The following POLN variants were observed in gnomAD, a reference collection of about 807,000 sequenced individuals.
POLN encodes the protein DNA polymerase nu, also known as DNA polymerase N.
In POLN, 108 loss-of-function variants were observed where a neutral mutation model predicts 113.5. The observed-to-expected ratio is 0.95, with a 90% CI of 0.81 to 1.12. The LOEUF is 1.12. POLN is among the 50% of genes most tolerant of loss of function. POLN has a pLI of 0.00. For synonymous variants in POLN, 386 were observed against 391.5 expected (o/e 0.99, Z 0.17); for missense variants, 1,097 against 1,077.1 (o/e 1.02, Z -0.26).
intron 13 of POLN, among the ~76,000 whole-genome samples, chr4:2,166,634 G>A (rs900639258): frequency 2.0e-5 from 3 of 152,138 alleles, no homozygotes; most frequent in African/African-American, 4.8e-5. Context: ...GGCCCAGTTA[G>A]AATGAAAAAC....
At chr4:2,161,553 C>G (rs551335584) in intron 13 of POLN, among the ~76,000 whole-genome samples, 17 of 152,372 alleles carry the variant, frequency 1.1e-4, no homozygotes, top group South Asian at 4.1e-4. Context: ...CCTCCCACCC[C>G]CTCCGTGGGC....
chr4:2,168,771 A>G (rs1732790065), intron 13 of POLN, among the ~76,000 whole-genome samples: 1 of 152,238 alleles, frequency 6.6e-6, no homozygotes, highest in African/African-American at 2.4e-5. Flanking sequence ...ACAGCAAGAC[A>G]GATGCTGCTT....
intron 14 of POLN, among the ~76,000 whole-genome samples, chr4:2,158,800 T>G (rs1207038334): frequency 2.6e-5 from 4 of 152,196 alleles, no homozygotes; most frequent in African/African-American, 9.6e-5. Context: ...CGGTATGGTC[T>G]TGGCAGACCT....
At chr4:2,122,654 T>G (rs1346325519) in intron 19 of POLN, among the ~76,000 whole-genome samples, 1 of 152,222 alleles carries the variant, frequency 6.6e-6, no homozygotes, top group Non-Finnish European at 1.5e-5. Flanking sequence ...TGGTGCAGCA[T>G]TTTTGGAAAA....
Position 2,091,778 on chromosome 4 carries a change from T to TGC in POLN, c.2065+4072_2065+4073insGC, listed in dbSNP as rs1730669250. Among the ~76,000 whole-genome samples, 8 of 97,652 alleles carry TGC rather than the reference T, an allele frequency of 8.2e-5. No individual in the cohort carries two copies. The Admixed American group carries it at 8.8e-4, about 11-fold the overall frequency. 64.1% of individuals were successfully genotyped at this position (97,652 alleles called of 152,430 possible). A position where few individuals can be genotyped will look rare whatever the true frequency, so the allele number is the denominator to read the frequency against. Reference sequence around the variant, plus strand: ...ACGTGAATCTGTGTGTGTGTGTGTGTGTGTGTGTGTGTGTGTGTGTGTGCG... The same window carrying TGC: ...ACGTGAATCTGTGTGTGTGTGTGTGTGCGTGTGTGTGTGTGTGTGTGTGTGCG... On this transcript the variant is annotated intron_variant, in intron 20 of 25. Coordinates refer to ENST00000511885, the MANE Select transcript of POLN (RefSeq NM_181808.4).
At chr4:2,089,878 G>A in intron 20 of POLN, 1 of 977,642 alleles carries the variant, frequency 1.0e-6, no homozygotes, top group Non-Finnish European at 1.6e-6. Flanking sequence ...GTCTGTAGAT[G>A]ACAATCTGAC....
chr4:2,239,186 T>A lies in POLN; in HGVS notation c.-13+2334A>T, dbSNP rs1402729459. ...ATTTAATATTCATATAAACAAAAAT[T>A]ACAGTTTAAAAGGGAAAAATGTGGA... is the stretch of plus-strand genomic sequence containing the variant. On this transcript the variant is annotated intron_variant, in intron 2 of 25. Coordinates refer to ENST00000511885, the MANE Select transcript of POLN (RefSeq NM_181808.4). 1.6e-5 allele frequency: 8 copies of A among 515,596 alleles called. No homozygotes were observed. The African/African-American group carries it at 1.6e-4, about 10-fold the overall frequency. 31.9% of individuals were successfully genotyped at this position (515,596 alleles called of 1,614,324 possible).
At chr4:2,124,562 C>A (rs376746963) in intron 19 of POLN, among the ~76,000 whole-genome samples, 23 of 152,300 alleles carry the variant, frequency 1.5e-4, no homozygotes, top group East Asian at 5.8e-4. Flanking sequence ...TATGGGCATG[C>A]GCCACTGTGC....
intron 24 of POLN, among the ~76,000 whole-genome samples, chr4:2,075,079 C>T (rs937793032): frequency 3.9e-5 from 6 of 152,220 alleles, no homozygotes; most frequent in South Asian, 2.1e-4. Flanking sequence ...TCCGCAGCCC[C>T]CAATCAGCCC....
intron 18 of POLN, among the ~76,000 whole-genome samples, chr4:2,128,947 T>C (rs536963799): frequency 6.7e-6 from 1 of 150,346 alleles, no homozygotes; most frequent in South Asian, 2.1e-4. Context: ...CCCAGTTACT[T>C]GGGAGGTTGA....
At chr4:2,138,834 C>T (rs924024067) in intron 16 of POLN, among the ~76,000 whole-genome samples, 6 of 151,588 alleles carry the variant, frequency 4.0e-5, no homozygotes, top group African/African-American at 9.7e-5. Flanking sequence ...GCAGAGGTTA[C>T]AGTGAGCCAA....
chr4:2,106,229 G>C (rs908410905), intron 19 of POLN, among the ~76,000 whole-genome samples: 1 of 152,154 alleles, frequency 6.6e-6, no homozygotes, highest in Non-Finnish European at 1.5e-5. Flanking sequence ...ATCATTCACA[G>C]ATCCAATCTG....
At chr4:2,207,399 AAT>A (rs1032796721) in intron 5 of POLN, among the ~76,000 whole-genome samples, 5 of 152,232 alleles carry the variant, frequency 3.3e-5, no homozygotes, top group African/African-American at 1.2e-4. Flanking sequence ...TAAAAAAATC[AAT>A]AGAGATCAAA....
chr4:2,121,815 T>C (rs551597007), intron 19 of POLN, among the ~76,000 whole-genome samples: 7 of 152,158 alleles, frequency 4.6e-5, no homozygotes, highest in Non-Finnish European at 8.8e-5. Flanking sequence ...ATTTCCTCTA[T>C]TGTTTTCCTA....
intron 16 of POLN, among the ~76,000 whole-genome samples, chr4:2,153,273 T>C (rs879897831): frequency 1.1e-4 from 17 of 152,196 alleles, no homozygotes; most frequent in Non-Finnish European, 2.2e-4. Context: ...TATATGAGAT[T>C]GCATAATAAG....
At chr4:2,107,882 G>GGAC (rs1317619814) in intron 19 of POLN, among the ~76,000 whole-genome samples, 4 of 152,150 alleles carry the variant, frequency 2.6e-5, no homozygotes, top group African/African-American at 9.7e-5. Context: ...TGCCAATGAT[G>GGAC]GACACATCAA....
Position 2,078,582 on chromosome 4 carries a change from T to A in POLN, c.2387+2376A>T, listed in dbSNP as rs1730331990. 8 of 985,158 alleles carry A rather than the reference T, an allele frequency of 8.1e-6. No individual in the cohort carries two copies. In the South Asian group the frequency reaches 2.4e-4, roughly 29 times the overall value. The allele number at this position is 985,158 out of a possible 1,614,324, so 61.0% of individuals were successfully genotyped here. A position where few individuals can be genotyped will look rare whatever the true frequency, so the allele number is the denominator to read the frequency against. ...CCGTGTGCCTCCCAGTGATCGAGTT[T>A]CATGCCTGCTGCTTCAGCGAGAGAT... On this transcript the variant is annotated intron_variant, in intron 23 of 25. Transcript: ENST00000511885.
chr4:2,121,213 T>G (rs1161420480), intron 19 of POLN, among the ~76,000 whole-genome samples: 2 of 152,188 alleles, frequency 1.3e-5, no homozygotes, highest in East Asian at 3.9e-4. Context: ...GGCAGGTGGA[T>G]TGCTTGAGGT....
chr4:2,127,391 C>G lies in POLN; in HGVS notation c.1982+722G>C, dbSNP rs760207415. On this transcript the variant is annotated intron_variant, in intron 19 of 25. Coordinates refer to ENST00000511885, the MANE Select transcript of POLN (RefSeq NM_181808.4). The surrounding 1 kb of genome is among the most constrained non-coding windows in gnomAD (Gnocchi z 4.7). ...TCCTTTTTTCTGGAGTATAATCTCT[C>G]CACCTCCCTTGCAGCTGGTGCAGCT... Among the ~76,000 whole-genome samples the G allele has an allele frequency of 4.6e-5, 7 of 152,128 alleles. No homozygotes were observed. Among genetic ancestry groups the G allele is most frequent in the Non-Finnish European group, 1.0e-4 (7 of 68,008 alleles).
Sources: gnomAD v4.1 joint callset for allele counts (sites outside exome capture counted in the v4.1 genomes callset) on GRCh38, gnomAD v4.1.1 for gene constraint, Gnocchi (gnomAD v3.1) non-coding constraint, MANE v1.5 for transcripts, NCBI Gene and HGNC (gene_info 2026-07-23, HGNC 2026-07-21) for gene names.